The following RAP1GDS1 variants were observed in gnomAD, a reference collection of about 807,000 sequenced individuals.
RAP1GDS1 encodes the protein RAP1, GTP-GDP dissociation stimulator 1.
In RAP1GDS1, 35 loss-of-function variants were observed where a neutral mutation model predicts 71.1. That is an observed-to-expected ratio of 0.49 (90% CI 0.38 to 0.65). RAP1GDS1 has a LOEUF of 0.65. Among genes scored for constraint, RAP1GDS1 ranks in the 30% least tolerant of loss-of-function variants. The pLI, the probability that RAP1GDS1 is intolerant of heterozygous loss-of-function variation, is 0.00. For missense variants in RAP1GDS1, 663 were observed against 706.1 expected (o/e 0.94, Z 0.69); for synonymous variants, 229 against 243.1 (o/e 0.94, Z 0.54).
chr4:98,276,964 G>T (rs1438950708), intron 1 of RAP1GDS1, among the ~76,000 whole-genome samples: 1 of 152,112 alleles, frequency 6.6e-6, no homozygotes, highest in Non-Finnish European at 1.5e-5. Flanking sequence ...AGGGAACTGA[G>T]GATCAGTAAG....
intron 2 of RAP1GDS1, among the ~76,000 whole-genome samples, chr4:98,334,917 C>CAAA (rs1324052277): frequency 4.5e-5 from 3 of 66,286 alleles, no homozygotes; most frequent in African/African-American, 5.0e-5. Flanking sequence ...TCAAAGTAAG[C>CAAA]AAAAAAAAAA....
At chr4:98,375,782 C>G (rs1741082999) in intron 4 of RAP1GDS1, among the ~76,000 whole-genome samples, 1 of 152,042 alleles carries the variant, frequency 6.6e-6, no homozygotes, top group African/African-American at 2.4e-5. Flanking sequence ...TCTTGAGTAC[C>G]TACTATATAC....
intron 1 of RAP1GDS1, among the ~76,000 whole-genome samples, chr4:98,284,225 G>C (rs1725641332): frequency 6.6e-6 from 1 of 152,030 alleles, no homozygotes; most frequent in Non-Finnish European, 1.5e-5. Flanking sequence ...GTTATCTGTA[G>C]GGTTTTTTCC....
intron 7 of RAP1GDS1, among the ~76,000 whole-genome samples, chr4:98,408,257 G>A (rs1578773039): frequency 1.3e-5 from 2 of 152,056 alleles, no homozygotes; most frequent in South Asian, 4.2e-4. Flanking sequence ...TTCTCAAGTA[G>A]GTGGGATTAC....
chr4:98,339,520 T>C (rs1001118749), intron 2 of RAP1GDS1, among the ~76,000 whole-genome samples: 1 of 152,138 alleles, frequency 6.6e-6, no homozygotes, highest in Non-Finnish European at 1.5e-5. Flanking sequence ...GTGAAGAGTC[T>C]ACCTTTTTTT....
At chr4:98,424,827 A>G (rs949601552) in intron 12 of RAP1GDS1, among the ~76,000 whole-genome samples, 2 of 152,310 alleles carry the variant, frequency 1.3e-5, no homozygotes, top group Middle Eastern at 3.4e-3. Context: ...AGAATAATCA[A>G]GGAAGACTTC....
intron 7 of RAP1GDS1, among the ~76,000 whole-genome samples, chr4:98,405,628 C>T (rs1746004773): frequency 6.6e-6 from 1 of 151,444 alleles, no homozygotes; most frequent in Non-Finnish European, 1.5e-5. Context: ...CCCTTTGAAC[C>T]CAAAATATGA....
intron 6 of RAP1GDS1, among the ~76,000 whole-genome samples, chr4:98,401,772 C>T (rs941474702): frequency 2.0e-5 from 3 of 152,084 alleles, no homozygotes; most frequent in Non-Finnish European, 4.4e-5. Flanking sequence ...TTCTATAATT[C>T]CTATATTAAT....
chr4:98,399,064 A>G (rs1744974669), intron 6 of RAP1GDS1, among the ~76,000 whole-genome samples: 1 of 152,160 alleles, frequency 6.6e-6, no homozygotes, highest in South Asian at 2.1e-4. Context: ...GTGGAGATAG[A>G]AAAAAGTAGC....
intron 2 of RAP1GDS1, among the ~76,000 whole-genome samples, chr4:98,302,430 C>G (rs1226718942): frequency 6.6e-6 from 1 of 151,982 alleles, no homozygotes; most frequent in African/African-American, 2.4e-5. Context: ...GAAAGAGATG[C>G]AAACAGGCAA....
chr4:98,378,940 CTG>C (rs1741575472), intron 4 of RAP1GDS1, 75 bp from the exon 5 acceptor site: 1 of 1,280,490 alleles, frequency 7.8e-7, no homozygotes, highest in Non-Finnish European at 1.1e-6. Flanking sequence ...AAGAATAACA[CTG>C]TTATGTTTTG....
At chr4:98,339,219 T>C (rs747211277) in intron 2 of RAP1GDS1, among the ~76,000 whole-genome samples, 1 of 152,004 alleles carries the variant, frequency 6.6e-6, no homozygotes, top group Non-Finnish European at 1.5e-5. Context: ...TCAGGTGGAG[T>C]GAGGACATAG....
At chr4:98,354,403 A>G (rs916831845) in intron 4 of RAP1GDS1, among the ~76,000 whole-genome samples, 2 of 152,182 alleles carry the variant, frequency 1.3e-5, no homozygotes, top group Admixed American at 1.3e-4. Context: ...GTTGTTCTTG[A>G]ATTATACATT....
At chr4:98,320,690 A>G (rs555862118) in intron 2 of RAP1GDS1, among the ~76,000 whole-genome samples, 3 of 151,682 alleles carry the variant, frequency 2.0e-5, no homozygotes, top group South Asian at 4.2e-4. Context: ...GGGTATTCCA[A>G]CAGACCTGCA....
At chr4:98,300,420 G>A (rs895179866) in intron 2 of RAP1GDS1, among the ~76,000 whole-genome samples, 5 of 148,914 alleles carry the variant, frequency 3.4e-5, no homozygotes, top group Non-Finnish European at 7.4e-5. Flanking sequence ...TTTTTTTTGA[G>A]GCGGAGTCTT....
intron 6 of RAP1GDS1, among the ~76,000 whole-genome samples, chr4:98,399,658 G>T (rs899785628): frequency 2.6e-5 from 4 of 152,096 alleles, no homozygotes; most frequent in Non-Finnish European, 4.4e-5. Flanking sequence ...ATACAAAAAT[G>T]GCTAACCAAT....
intron 6 of RAP1GDS1, chr4:98,392,311 T>C (rs1578706937): frequency 2.7e-6 from 1 of 372,244 alleles, no homozygotes; most frequent in East Asian, 5.1e-5. Flanking sequence ...CATATTAATG[T>C]TTAAAGCTCA....
chr4:98,389,129 T>TG (rs1292939533), intron 5 of RAP1GDS1, among the ~76,000 whole-genome samples: 8 of 152,184 alleles, frequency 5.3e-5, no homozygotes, highest in Admixed American at 2.6e-4. Flanking sequence ...TTGGTACAAA[T>TG]GTCAACACAG....
At chr4:98,435,129 A>G (rs925381998) in intron 13 of RAP1GDS1, among the ~76,000 whole-genome samples, 6 of 152,214 alleles carry the variant, frequency 3.9e-5, no homozygotes, top group African/African-American at 1.4e-4. Flanking sequence ...TGTCCTATCC[A>G]ATTCAAAGCC....
Sources: allele counts gnomAD v4.1 joint callset (sites outside exome capture counted in the v4.1 genomes callset), GRCh38; gene constraint gnomAD v4.1.1; transcripts MANE v1.5; gene names NCBI Gene and HGNC (gene_info 2026-07-23, HGNC 2026-07-21).